DAPK2: variants seen among roughly 807,000 people sequenced by gnomAD.
DAPK2 encodes the protein death associated protein kinase 2, also known as death-associated protein kinase 2.
In DAPK2, 35 loss-of-function variants were observed where a neutral mutation model predicts 44.1. That is an observed-to-expected ratio of 0.79 (90% CI 0.61 to 1.05). DAPK2 has a LOEUF of 1.05. DAPK2 is among the 50% of genes least tolerant of loss of function. The pLI, the probability that DAPK2 is intolerant of heterozygous loss-of-function variation, is 0.00. For missense variants in DAPK2, 453 were observed against 483.2 expected, an observed-to-expected ratio of 0.94 and a Z score of 0.59; for synonymous variants, 174 against 182.6, an observed-to-expected ratio of 0.95 and a Z score of 0.38.
At chr15:63,955,325 T>C (rs1483712250) in intron 3 of DAPK2, among the ~76,000 whole-genome samples, 2 of 152,230 alleles carry the variant, frequency 1.3e-5, no homozygotes, top group African/African-American at 4.8e-5. Flanking sequence ...ATATTTATCA[T>C]GTGGGGATGT....
rs1421584143 is a variant in DAPK2 at position 63,923,949 on chromosome 15, G to A, written c.858+867C>T. 6.6e-6 allele frequency among the ~76,000 whole-genome samples: 1 copy of A among 152,140 alleles called. No homozygotes were observed. The highest frequency in any genetic ancestry group is 1.5e-5 in the Non-Finnish European group (1 of 68,020). On this transcript the variant is annotated intron_variant, in intron 8 of 10. Coordinates refer to ENST00000261891, the Ensembl canonical transcript of DAPK2. The surrounding 1 kb of genome is among the most constrained non-coding windows in gnomAD (Gnocchi z 4.2). ...CCTTCTGCTGCCTCGGCCTCCCAAAGTGCTGGGATTACAGGCATGAGCCAC... is the reference window on the plus strand; with the variant it reads ...CCTTCTGCTGCCTCGGCCTCCCAAAATGCTGGGATTACAGGCATGAGCCAC...
In DAPK2 at chr15:63,908,342, C is replaced by A; in HGVS notation, c.*178G>T. ...CTGGAGCCTCCTCCACAGAAGACAGCCACAGCTCCCAGGGTCTCCTGGCTT... is the reference window on the plus strand; with the variant it reads ...CTGGAGCCTCCTCCACAGAAGACAGACACAGCTCCCAGGGTCTCCTGGCTT... On this transcript the variant is annotated 3_prime_UTR_variant, in exon 11 of 11. Coordinates refer to ENST00000261891, the Ensembl canonical transcript of DAPK2. This position sits in a 1 kb window ranked among gnomAD's most constrained non-coding sequence, Gnocchi z 5.7. The A allele has an allele frequency of 2.3e-6, 1 of 429,432 alleles. No homozygotes were observed. The highest frequency in any genetic ancestry group is 4.1e-6 in the Non-Finnish European group (1 of 242,300). 26.6% of individuals were successfully genotyped at this position (429,432 alleles called of 1,614,324 possible).
chr15:64,040,022 C>A, intron 1 of DAPK2, 148 bp downstream of exon 2: 3 of 629,652 alleles, frequency 4.8e-6, no homozygotes, highest in Non-Finnish European at 5.7e-6. Flanking sequence ...TGCAAAGTCA[C>A]CCAGGCAGGT....
At chr15:64,042,013 G>C (rs2080364965), upstream of DAPK2, among the ~76,000 whole-genome samples, 1 of 152,180 alleles carries the variant, frequency 6.6e-6, no homozygotes, top group Admixed American at 6.5e-5. The surrounding 1 kb of genome is among the most constrained non-coding windows in gnomAD (Gnocchi z 4.7). Context: ...AAAAGAGTAG[G>C]CTCCAGGAGC....
chr15:64,030,962 G>T (rs1289067695), intron 1 of DAPK2, among the ~76,000 whole-genome samples: 2 of 133,046 alleles, frequency 1.5e-5, no homozygotes, highest in Non-Finnish European at 3.1e-5. Flanking sequence ...GCAAGACCCT[G>T]TCTCAAAATA....
chr15:63,925,695 C>A (rs1332092757), intron 7 of DAPK2, among the ~76,000 whole-genome samples: 1 of 151,808 alleles, frequency 6.6e-6, no homozygotes, highest in East Asian at 1.9e-4. Context: ...CACACACACA[C>A]ACACACACAC....
intron 1 of DAPK2, among the ~76,000 whole-genome samples, chr15:64,027,053 G>A (rs2079868241): frequency 6.6e-6 from 1 of 152,072 alleles, no homozygotes; most frequent in South Asian, 2.1e-4. Flanking sequence ...AGACCAGCCT[G>A]GACAACATGA....
rs2078957036 is a variant in DAPK2, at chr15:63,917,459, T to C, written c.859-5262A>G. ...AATAAGTCTGAAATTTGCTTTAAAA[T>C]ACCCCAGAAGAAAAGTAATGGGAGA... On this transcript the variant is annotated intron_variant, in intron 8 of 10. Transcript: ENST00000261891. The surrounding 1 kb of genome is among the most constrained non-coding windows in gnomAD (Gnocchi z 4.4). 1 of 151,988 alleles carries C rather than the reference T, an allele frequency of 6.6e-6. No homozygotes were observed. The highest frequency in any genetic ancestry group is 1.5e-5 in the Non-Finnish European group (1 of 68,020). The allele number at this position is 151,988 out of a possible 1,614,324, so 9.4% of individuals were successfully genotyped here.
chr15:64,029,062 A>G (rs2141129786), intron 1 of DAPK2, among the ~76,000 whole-genome samples: 1 of 152,286 alleles, frequency 6.6e-6, no homozygotes, highest in Middle Eastern at 3.4e-3. Context: ...CACTGGCAAT[A>G]AATAAGTAGA....
chr15:64,018,686 A>G (rs2079602188), intron 1 of DAPK2, among the ~76,000 whole-genome samples: 1 of 152,234 alleles, frequency 6.6e-6, no homozygotes, highest in Admixed American at 6.5e-5. Context: ...TAACAAGGCC[A>G]GGATCCTACC....
chr15:63,955,320 T>C (rs1254301445), intron 3 of DAPK2, among the ~76,000 whole-genome samples: 1 of 152,244 alleles, frequency 6.6e-6, no homozygotes, highest in Middle Eastern at 3.2e-3. Flanking sequence ...TTGAGATATT[T>C]ATCATGTGGG....
At chr15:63,983,834 C>T in intron 1 of DAPK2, 80 bp from the exon 3 acceptor site, 1 of 1,373,684 alleles carries the variant, frequency 7.3e-7, no homozygotes. Context: ...TACCAGGTCA[C>T]ACAAATTCAG....
At chr15:63,985,699 C>T (rs2078651185) in intron 1 of DAPK2, among the ~76,000 whole-genome samples, 1 of 152,210 alleles carries the variant, frequency 6.6e-6, no homozygotes, top group Admixed American at 6.5e-5. Flanking sequence ...AGCTCCCAGC[C>T]CTGCACTGTG....
Position 63,923,092 on chromosome 15 carries a change from C to T in DAPK2, c.858+1724G>A. Reference sequence around the variant, plus strand: ...CATTCTCCTCTCGGTACCAAGCTTCCTTCTCATTGAAGATGGAGACCAGGG... The same window carrying T: ...CATTCTCCTCTCGGTACCAAGCTTCTTTCTCATTGAAGATGGAGACCAGGG... On this transcript the variant is annotated intron_variant, in intron 8 of 10. Transcript: ENST00000261891. This position sits in a 1 kb window ranked among gnomAD's most constrained non-coding sequence, Gnocchi z 4.2. 6.5e-7 allele frequency: 1 copy of T among 1,535,898 alleles called. No individual in the cohort carries two copies. Among genetic ancestry groups the T allele is most frequent in the Non-Finnish European group, 8.7e-7 (1 of 1,146,722 alleles).
chr15:64,039,327 G>A (rs184794557), intron 1 of DAPK2, among the ~76,000 whole-genome samples: 232 of 152,370 alleles, frequency 1.5e-3, no homozygotes, highest in African/African-American at 5.4e-3. Flanking sequence ...AAGCTCATGG[G>A]AGAGGGCATA....
chr15:63,930,354 C>G, intron 5 of DAPK2, 53 bp downstream of exon 6: 2 of 1,556,234 alleles, frequency 1.3e-6, no homozygotes, highest in Non-Finnish European at 1.8e-6. Context: ...GGATCTGAGG[C>G]CTTCCGCCCT....
intron 1 of DAPK2, among the ~76,000 whole-genome samples, chr15:63,993,371 T>TTCACATTAAACA (rs2078866974): frequency 6.6e-6 from 1 of 152,146 alleles, no homozygotes; most frequent in Non-Finnish European, 1.5e-5. Context: ...ATTAAACAGG[T>TTCACATTAAACA]GGCTCTGCAG....
At chr15:63,944,577 C>T (rs926074335) in intron 3 of DAPK2, among the ~76,000 whole-genome samples, 6 of 152,218 alleles carry the variant, frequency 3.9e-5, no homozygotes, top group African/African-American at 7.2e-5. Flanking sequence ...CTTGCAGCCA[C>T]GCTGAGTGAT....
chr15:63,938,201 G>A (rs890313084), intron 4 of DAPK2, among the ~76,000 whole-genome samples: 12 of 152,340 alleles, frequency 7.9e-5, no homozygotes, highest in Non-Finnish European at 1.0e-4. Flanking sequence ...GGCATAATGG[G>A]AAGAGCACAG....
Sources: gnomAD v4.1 joint callset for allele counts (sites outside exome capture counted in the v4.1 genomes callset) on GRCh38, gnomAD v4.1.1 for gene constraint, Gnocchi (gnomAD v3.1) non-coding constraint, MANE v1.5 for transcripts, NCBI Gene and HGNC (gene_info 2026-07-23, HGNC 2026-07-21) for gene names.